MTUS2: variants seen among roughly 807,000 people sequenced by gnomAD.
The protein encoded by MTUS2 is microtubule associated scaffold protein 2, also known as microtubule-associated tumor suppressor candidate 2.
MTUS2 carries 40 observed loss-of-function variants against 114.1 expected under a neutral mutation model. The observed-to-expected ratio is 0.35, with a 90% CI of 0.27 to 0.46. MTUS2 has a LOEUF of 0.46. Among genes scored for constraint, MTUS2 ranks in the 20% least tolerant of loss-of-function variants. The pLI, the probability that MTUS2 is intolerant of heterozygous loss-of-function variation, is 1.00. For synonymous variants in MTUS2, 688 were observed against 672.0 expected, an observed-to-expected ratio of 1.02 and a Z score of -0.37; for missense variants, 1,679 against 1,705.4, an observed-to-expected ratio of 0.98 and a Z score of 0.27.
Position 28,825,637 on chromosome 13 carries a change from A to C in MTUS2, c.-316+5026A>C, listed in dbSNP as rs549989274. Reference sequence around the variant, plus strand: ...AATTTCTCCATGGAGAAGGTGAAGAAACCATTGGGGAGCAGCAGCCAGGGC... The same window carrying C: ...AATTTCTCCATGGAGAAGGTGAAGACACCATTGGGGAGCAGCAGCCAGGGC... On this transcript the variant is annotated intron_variant, in intron 1 of 15. Transcript: ENST00000612955. 2.0e-5 allele frequency among the ~76,000 whole-genome samples: 3 copies of C among 152,260 alleles called. No individual in the cohort carries two copies. The South Asian group carries it at 6.2e-4, about 32-fold the overall frequency.
chr13:28,914,638 CT>C (rs1309575606), intron 2 of MTUS2, among the ~76,000 whole-genome samples: 1 of 151,858 alleles, frequency 6.6e-6, no homozygotes, highest in Non-Finnish European at 1.5e-5. Context: ...TCCTGAATAT[CT>C]TTGTTAATTT....
intron 5 of MTUS2, among the ~76,000 whole-genome samples, chr13:29,244,531 G>A (rs1384168273): frequency 1.3e-5 from 2 of 152,154 alleles, no homozygotes; most frequent in African/African-American, 4.8e-5. Flanking sequence ...AGACTGGTAA[G>A]GTGAGTGGCA....
At chr13:29,246,724 A>G (rs1010492505) in intron 5 of MTUS2, among the ~76,000 whole-genome samples, 1 of 152,318 alleles carries the variant, frequency 6.6e-6, no homozygotes, top group East Asian at 1.9e-4. Context: ...TCCACAAGGA[A>G]AACTACAAGA....
intron 2 of MTUS2, among the ~76,000 whole-genome samples, chr13:29,002,026 C>T (rs942774486): frequency 6.6e-6 from 1 of 152,206 alleles, no homozygotes; most frequent in Non-Finnish European, 1.5e-5. Flanking sequence ...GAATGCGGCC[C>T]TGCCAGTGCC....
At chr13:29,150,596 G>A (rs1892625283) in intron 5 of MTUS2, among the ~76,000 whole-genome samples, 1 of 152,134 alleles carries the variant, frequency 6.6e-6, no homozygotes, top group East Asian at 1.9e-4. Flanking sequence ...TGAAGACTTA[G>A]TCATAAATTC....
intron 4 of MTUS2, among the ~76,000 whole-genome samples, chr13:29,095,870 G>A (rs9579284): frequency 0.32 from 48,966 of 151,588 alleles, 8,116 homozygotes; most frequent in Admixed American, 0.38. Flanking sequence ...AAATATTGTC[G>A]TCATAGCTCC....
Position 29,320,332 on chromosome 13 carries a change from C to T in MTUS2, c.2807-4281C>T, listed in dbSNP as rs193266798. Reference sequence around the variant, plus strand: ...CTAGAAGGCACCAGCCTGGCCGACCCCTTGGCTTCAGCCCAGTGAGCCTGA... The same window carrying T: ...CTAGAAGGCACCAGCCTGGCCGACCTCTTGGCTTCAGCCCAGTGAGCCTGA... On this transcript the variant is annotated intron_variant, in intron 6 of 15. Coordinates refer to ENST00000612955, the MANE Select transcript of MTUS2 (RefSeq NM_001033602.4). Among the ~76,000 whole-genome samples the T allele has an allele frequency of 1.8e-4, 28 of 152,302 alleles. 1 individual carries two copies. The East Asian group carries it at 5.0e-3, about 27-fold the overall frequency.
intron 7 of MTUS2, among the ~76,000 whole-genome samples, chr13:29,346,274 T>A (rs1868672861): frequency 6.6e-6 from 1 of 152,090 alleles, no homozygotes; most frequent in South Asian, 2.1e-4. Flanking sequence ...CAAGAGATGG[T>A]GTTCTTTGTC....
chr13:28,881,032 T>C (rs1878256223), intron 2 of MTUS2, among the ~76,000 whole-genome samples: 1 of 152,194 alleles, frequency 6.6e-6, no homozygotes, highest in Non-Finnish European at 1.5e-5. Flanking sequence ...GTTACGTGGA[T>C]ATACTGTGTA....
At chr13:29,454,491 T>G (rs1241372299) in intron 9 of MTUS2, among the ~76,000 whole-genome samples, 6 of 152,172 alleles carry the variant, frequency 3.9e-5, no homozygotes, top group African/African-American at 1.4e-4. Context: ...AATTGCCAAT[T>G]TATTAATTTA....
chr13:28,960,131 A>C (rs544317974), intron 2 of MTUS2, among the ~76,000 whole-genome samples: 7 of 152,302 alleles, frequency 4.6e-5, no homozygotes, highest in African/African-American at 1.7e-4. Context: ...ATAACACACA[A>C]AAAAATGCTC....
chr13:29,024,771 A>G lies in MTUS2; in HGVS notation c.73A>G (p.Asn25Asp). 1 of 1,614,044 alleles carries G rather than the reference A, an allele frequency of 6.2e-7. No homozygotes were observed. The change falls in exon 3 of 16, where the codon AAT becomes GAT. Residue 25 changes from asparagine (N) to aspartate (D), a missense_variant. Asn to Asp is a conservative substitution (Grantham distance 23). This residue lies in a region of MTUS2 where 843 missense variants were observed against 770.8 expected (regional missense o/e 1.09). Coordinates refer to ENST00000612955, the MANE Select transcript of MTUS2 (RefSeq NM_001033602.4). The part of the protein sequence containing the change: ...LRDNRNAARN[N>D]NESILSLGDT... Reference sequence around the variant, plus strand: ...GGACAACAGAAATGCAGCAAGAAATAATAATGAAAGCATCTTAAGTCTGGG... The same window carrying G: ...GGACAACAGAAATGCAGCAAGAAATGATAATGAAAGCATCTTAAGTCTGGG...
At chr13:28,966,919 CA>C (rs1260706607) in intron 2 of MTUS2, among the ~76,000 whole-genome samples, 7 of 152,222 alleles carry the variant, frequency 4.6e-5, no homozygotes, top group African/African-American at 1.7e-4. Flanking sequence ...GAAATTTGTA[CA>C]AGCTGAATTT....
chr13:29,488,854 T>C (rs1480214294), intron 11 of MTUS2, among the ~76,000 whole-genome samples: 1 of 152,228 alleles, frequency 6.6e-6, no homozygotes, highest in African/African-American at 2.4e-5. Flanking sequence ...ACAGCATCAT[T>C]ACTAAGTTCC....
chr13:29,196,300 G>A (rs756110776), intron 5 of MTUS2, among the ~76,000 whole-genome samples: 15 of 151,966 alleles, frequency 9.9e-5, no homozygotes, highest in Non-Finnish European at 2.1e-4. Flanking sequence ...GTTTCACCAC[G>A]TTGACCAGGC....
At chr13:28,829,604 G>A (rs1036952041) in intron 1 of MTUS2, among the ~76,000 whole-genome samples, 1 of 152,074 alleles carries the variant, frequency 6.6e-6, no homozygotes, top group Admixed American at 6.5e-5. Context: ...AGCCCTCTAA[G>A]ATCCCCAGTC....
chr13:29,283,842 C>T (rs138453834), intron 6 of MTUS2, among the ~76,000 whole-genome samples: 2,771 of 152,220 alleles, frequency 0.018, 45 homozygotes, highest in Non-Finnish European at 0.028. Flanking sequence ...ATAAGAAAAA[C>T]GTAAGGTGAA....
intron 8 of MTUS2, among the ~76,000 whole-genome samples, chr13:29,389,393 G>GTATATA (rs1566172787): frequency 3.8e-5 from 3 of 79,368 alleles, no homozygotes; most frequent in African/African-American, 1.6e-4. Flanking sequence ...ATACACGTGT[G>GTATATA]TGTATATATG....
chr13:29,049,629 C>G (rs895313926), intron 4 of MTUS2, among the ~76,000 whole-genome samples: 6 of 152,186 alleles, frequency 3.9e-5, no homozygotes, highest in African/African-American at 1.4e-4. Context: ...AAGAGGATGC[C>G]TTCAGCTGTG....
Sources: gnomAD v4.1 joint callset for allele counts (sites outside exome capture counted in the v4.1 genomes callset) on GRCh38, gnomAD v4.1.1 for gene constraint, gnomAD v4.1.1 regional missense constraint, MANE v1.5 for transcripts, NCBI Gene and HGNC (gene_info 2026-07-23, HGNC 2026-07-21) for gene names.